CDC42BPB: variants seen among roughly 807,000 people sequenced by gnomAD.
CDC42BPB encodes serine/threonine-protein kinase MRCK beta.
CDC42BPB carries 37 observed loss-of-function variants against 214.9 expected under a neutral mutation model. That is an observed-to-expected ratio of 0.17 (90% CI 0.13 to 0.23). The LOEUF is 0.23. Among genes scored for constraint, CDC42BPB ranks in the 10% least tolerant of loss-of-function variants. The pLI is 1.00. For synonymous variants in CDC42BPB, 931 were observed against 884.0 expected, an observed-to-expected ratio of 1.05 and a Z score of -0.94; for missense variants, 1,694 against 2,227.0, an observed-to-expected ratio of 0.76 and a Z score of 4.82.
In CDC42BPB at chr14:102,945,685, T is replaced by C. The variant is rs751534717; in HGVS notation, c.3788A>G (p.Tyr1263Cys). ...RIAVGLEEGLYVIEVTRDVIV... is the reference protein window; with the variant it reads ...RIAVGLEEGLCVIEVTRDVIV... Reference sequence around the variant, plus strand: ...ACCATCTCGGGTGACCTCTATGACATAGAGCCCTTCTTCTAGGCCGACTGC... The same window carrying C: ...ACCATCTCGGGTGACCTCTATGACACAGAGCCCTTCTTCTAGGCCGACTGC... The change falls in exon 29 of 37, where the codon TAT (tyrosine) becomes TGT (cysteine). Residue 1263 changes from tyrosine to cysteine, a missense_variant. Physicochemically the swap from Tyr to Cys is radical, Grantham distance 194. Coordinates refer to ENST00000361246, the MANE Select transcript of CDC42BPB (RefSeq NM_006035.4). 34 of 1,612,820 alleles carry C rather than the reference T, an allele frequency of 2.1e-5. No homozygotes were observed. The highest frequency in any genetic ancestry group is 2.5e-5 in the Non-Finnish European group (29 of 1,179,904).
intron 1 of CDC42BPB, among the ~76,000 whole-genome samples, chr14:103,013,768 C>T (rs1156929220): frequency 6.6e-6 from 1 of 152,206 alleles, no homozygotes; most frequent in Non-Finnish European, 1.5e-5. Context: ...AGGGACATGG[C>T]CTGGCTGACG....
At chr14:103,055,616 A>G (rs559917964) in intron 1 of CDC42BPB, among the ~76,000 whole-genome samples, 1 of 152,392 alleles carries the variant, frequency 6.6e-6, no homozygotes, top group South Asian at 2.1e-4. Context: ...ACGGAAATAA[A>G]GCATCACAGG....
At chr14:102,945,457 C>T (rs34711530) in intron 29 of CDC42BPB, 5 of 579,414 alleles carry the variant, frequency 8.6e-6, no homozygotes, top group Non-Finnish European at 3.1e-6. Flanking sequence ...GCTCAGTGCT[C>T]CCCTTGAAGA....
chr14:102,974,422 G>T, intron 11 of CDC42BPB: 2 of 942,786 alleles, frequency 2.1e-6, no homozygotes, highest in Middle Eastern at 5.5e-4. Context: ...GCCCTTGGGT[G>T]GCGCACACAC....
At chr14:102,939,973 G>A (rs764484900) in intron 32 of CDC42BPB, 26 bp from the exon 33 acceptor site, 50 of 1,613,578 alleles carry the variant, frequency 3.1e-5, no homozygotes, top group African/African-American at 4.0e-5. Flanking sequence ...GCGCGGTGAC[G>A]GTGCTGCGGC....
At chr14:102,938,630 T>C (rs997119859) in intron 34 of CDC42BPB, 10 of 891,790 alleles carry the variant, frequency 1.1e-5, no homozygotes, top group Middle Eastern at 5.7e-4. Flanking sequence ...AAGCGTACTT[T>C]TTTTGTTTGT....
intron 1 of CDC42BPB, among the ~76,000 whole-genome samples, chr14:103,013,349 G>A (rs1376965211): frequency 6.6e-6 from 1 of 152,144 alleles, no homozygotes; most frequent in Admixed American, 6.5e-5. Context: ...CACCAGTCAG[G>A]CACCTTACAC....
chr14:103,011,882 G>A (rs543507467), intron 2 of CDC42BPB, among the ~76,000 whole-genome samples: 2 of 151,860 alleles, frequency 1.3e-5, no homozygotes, highest in Admixed American at 1.3e-4. Context: ...TTGGGAGGCC[G>A]AGGCGGGGAG....
intron 1 of CDC42BPB, among the ~76,000 whole-genome samples, chr14:103,047,206 C>A (rs1472194000): frequency 6.7e-6 from 1 of 149,328 alleles, no homozygotes. Flanking sequence ...ATCACTTGAA[C>A]CTGGGAGGCG....
At chr14:103,050,401 T>G (rs1595196223) in intron 1 of CDC42BPB, among the ~76,000 whole-genome samples, 1 of 152,182 alleles carries the variant, frequency 6.6e-6, no homozygotes, top group Non-Finnish European at 1.5e-5. Context: ...GGGAAAATGC[T>G]CAGAACCTGG....
chr14:102,990,416 T>C (rs1894440258), intron 5 of CDC42BPB, among the ~76,000 whole-genome samples: 1 of 152,082 alleles, frequency 6.6e-6, no homozygotes, highest in Non-Finnish European at 1.5e-5. Flanking sequence ...TTCTAAAGCT[T>C]TTTTAGACAC....
At chr14:103,031,302 G>T (rs866816876) in intron 1 of CDC42BPB, among the ~76,000 whole-genome samples, 3 of 152,094 alleles carry the variant, frequency 2.0e-5, no homozygotes, top group Admixed American at 1.3e-4. Context: ...ATGTTCTTCT[G>T]ATTTCATGAA....
chr14:103,034,211 A>C (rs1381911369), intron 1 of CDC42BPB, among the ~76,000 whole-genome samples: 2 of 152,226 alleles, frequency 1.3e-5, no homozygotes, highest in Non-Finnish European at 2.9e-5. Flanking sequence ...TCTCCATACC[A>C]AACTTTATTT....
rs769269988 is a variant in CDC42BPB, at chr14:102,939,596, G to A, written c.4827+14C>T. 11 of 1,594,218 alleles carry A rather than the reference G, an allele frequency of 6.9e-6. No homozygotes were observed. The South Asian group carries it at 7.7e-5, about 11-fold the overall frequency. On this transcript the variant is annotated intron_variant, in intron 34 of 36. Transcript: ENST00000361246. Reference sequence around the variant, plus strand: ...TGGGGTGCCCTGCCCGCCCTATCCCGGCCGTGCACGCACCAGAGGCAGGTC... The same window carrying A: ...TGGGGTGCCCTGCCCGCCCTATCCCAGCCGTGCACGCACCAGAGGCAGGTC...
chr14:103,000,180 G>A (rs1894913961), intron 4 of CDC42BPB, among the ~76,000 whole-genome samples: 1 of 152,226 alleles, frequency 6.6e-6, no homozygotes, highest in South Asian at 2.1e-4. Context: ...TCATAAAAGA[G>A]CCGAAAGATA....
intron 1 of CDC42BPB, among the ~76,000 whole-genome samples, chr14:103,039,368 C>A (rs1357198212): frequency 6.8e-6 from 1 of 147,446 alleles, no homozygotes; most frequent in Non-Finnish European, 1.5e-5. Context: ...ATGCCAAAAT[C>A]TTTAACAAAA....
At chr14:103,024,329 T>C (rs1333115410) in intron 1 of CDC42BPB, among the ~76,000 whole-genome samples, 1 of 152,218 alleles carries the variant, frequency 6.6e-6, no homozygotes, top group Non-Finnish European at 1.5e-5. Flanking sequence ...CCCTTGAGAC[T>C]GAGACTTGCT....
chr14:103,028,331 G>C (rs917783725), intron 1 of CDC42BPB, among the ~76,000 whole-genome samples: 4 of 152,188 alleles, frequency 2.6e-5, no homozygotes, highest in African/African-American at 7.2e-5. Flanking sequence ...GTAAGCACCT[G>C]AGTCCTTCAG....
At chr14:103,013,944 T>C (rs1434214857) in intron 1 of CDC42BPB, among the ~76,000 whole-genome samples, 1 of 152,044 alleles carries the variant, frequency 6.6e-6, no homozygotes, top group Non-Finnish European at 1.5e-5. Context: ...GGCGGGCGGA[T>C]CACGAGGTCA....
Sources: gnomAD v4.1 joint callset for allele counts (sites outside exome capture counted in the v4.1 genomes callset) on GRCh38, gnomAD v4.1.1 for gene constraint, MANE v1.5 for transcripts, NCBI Gene and HGNC (gene_info 2026-07-23, HGNC 2026-07-21) for gene names.